PRKCZ: variants seen among roughly 807,000 people sequenced by gnomAD.
PRKCZ encodes protein kinase C zeta.
In PRKCZ, 33 loss-of-function variants were observed where a neutral mutation model predicts 79.5. That is an observed-to-expected ratio of 0.41 (90% CI 0.31 to 0.55). PRKCZ has a LOEUF of 0.55. Ranked by LOEUF, PRKCZ falls within the 20% of genes least tolerant of loss-of-function variation. The probability of loss-of-function intolerance (pLI) is 0.19; values close to 1 mark genes in which losing one functional copy is unlikely to be tolerated. For missense variants in PRKCZ, 578 were observed against 813.5 expected (o/e 0.71, Z 3.52); for synonymous variants, 342 against 320.9 (o/e 1.07, Z -0.70).
At chr1:2,059,404 G>C in intron 3 of PRKCZ, 137 bp from the exon 4 acceptor site, 2 of 993,530 alleles carry the variant, frequency 2.0e-6, no homozygotes, top group South Asian at 2.8e-5. Context: ...TCCCAGGAGC[G>C]GGCTCTCATT....
upstream of PRKCZ, among the ~76,000 whole-genome samples, chr1:2,048,975 G>A (rs990808453): frequency 1.2e-4 from 19 of 152,270 alleles, no homozygotes; most frequent in African/African-American, 4.6e-4. Flanking sequence ...AGACCAGCCT[G>A]GCCAATATGG....
At position 2,056,648 on chromosome 1, in the gene PRKCZ, G is replaced by A. The variant is rs2102220505; in HGVS notation, c.283+75G>A. The A allele has an allele frequency of 3.8e-6, 5 of 1,332,886 alleles. No individual in the cohort carries two copies. In the South Asian group the frequency reaches 6.8e-5, roughly 18 times the overall value. The allele number at this position is 1,332,886 out of a possible 1,614,324, so 82.6% of individuals were successfully genotyped here. A position where few individuals can be genotyped will look rare whatever the true frequency, so the allele number is the denominator to read the frequency against. ...GTGGGTGTCTGCCGACTAGCTGGGG[G>A]ATTTAAAATGGTTTAAAATCCTATG... On this transcript the variant is annotated intron_variant, in intron 3 of 17. Transcript: ENST00000378567.
At chr1:2,126,210 T>C (rs1673855127) in intron 4 of PRKCZ, among the ~76,000 whole-genome samples, 1 of 152,172 alleles carries the variant, frequency 6.6e-6, no homozygotes, top group African/African-American at 2.4e-5. Flanking sequence ...AATGGGAAAC[T>C]TTTCTTCAGT....
intron 4 of PRKCZ, among the ~76,000 whole-genome samples, chr1:2,073,286 G>A (rs1661782694): frequency 6.6e-6 from 1 of 152,198 alleles, no homozygotes; most frequent in African/African-American, 2.4e-5. Context: ...GGGGTTTGTG[G>A]GGTGGACACA....
intron 10 of PRKCZ, among the ~76,000 whole-genome samples, chr1:2,161,946 C>T (rs1682405365): frequency 6.6e-6 from 1 of 152,032 alleles, no homozygotes; most frequent in Non-Finnish European, 1.5e-5. Flanking sequence ...AAACAAGAGC[C>T]TCTTTATAAA....
At chr1:2,134,201 A>G (rs568026571) in intron 4 of PRKCZ, among the ~76,000 whole-genome samples, 249 of 152,182 alleles carry the variant, frequency 1.6e-3, no homozygotes, top group Non-Finnish European at 2.8e-3. Flanking sequence ...AGGACCCCTG[A>G]CTTCTTGGTT....
intron 10 of PRKCZ, among the ~76,000 whole-genome samples, chr1:2,166,039 C>T (rs921317200): frequency 3.3e-5 from 5 of 152,324 alleles, no homozygotes; most frequent in East Asian, 1.9e-4. Flanking sequence ...GTCTGCGTCT[C>T]GCCTGGTTCC....
intron 1 of PRKCZ, among the ~76,000 whole-genome samples, chr1:2,051,694 C>T (rs1659675246): frequency 6.6e-6 from 1 of 152,170 alleles, no homozygotes. Flanking sequence ...TGACAACTTC[C>T]CCGGGCCACG....
rs375012753 is a variant in PRKCZ, at chr1:2,185,003, G to A, written c.1773G>A (p.Ser591=). ...INPLLLSTEE[S]V ...CATTATTGCTGTCCACCGAGGAGTC[G>A]GTGTGAGGCCGCGTGCGTCTCTGTC... The change falls in exon 18 of 18, where the codon TCG becomes TCA. Residue 591 remains serine (S), a synonymous_variant. Transcript: ENST00000378567. 4.3e-6 allele frequency: 7 copies of A among 1,612,428 alleles called. No individual in the cohort carries two copies. Among genetic ancestry groups the A allele is most frequent in the South Asian group, 1.1e-5 (1 of 90,782 alleles).
At chr1:2,092,745 G>A (rs1242460174) in intron 4 of PRKCZ, among the ~76,000 whole-genome samples, 2 of 152,180 alleles carry the variant, frequency 1.3e-5, no homozygotes, top group Non-Finnish European at 2.9e-5. Flanking sequence ...TGGTGTATCC[G>A]AGGCAGCTGG....
At position 2,165,047 on chromosome 1, in the gene PRKCZ, A is replaced by G. The variant is rs1203752830; in HGVS notation, c.975-4471A>G. 6.6e-6 allele frequency among the ~76,000 whole-genome samples: 1 copy of G among 152,204 alleles called. No homozygotes were observed. The highest frequency in any genetic ancestry group is 2.4e-5 in the African/African-American group (1 of 41,450). ...TTGTCGCTGGGACACACTGCCCTCCAGTGCTCGAGTGCATTTCCTGGGCAC... is the reference window on the plus strand; with the variant it reads ...TTGTCGCTGGGACACACTGCCCTCCGGTGCTCGAGTGCATTTCCTGGGCAC... On this transcript the variant is annotated intron_variant, in intron 10 of 17. Transcript: ENST00000378567. This position sits in a 1 kb window ranked among gnomAD's most constrained non-coding sequence, Gnocchi z 4.1.
In PRKCZ at chr1:2,183,301, CAGG is replaced by C. The variant is rs535610185; in HGVS notation, c.1576-1279_1576-1277del. ...GTCCCGGCTACTCAGGAGACTGAGG[CAGG>C]AGAATAGCTTGAATCGGAGTCAGAG... On this transcript the variant is annotated intron_variant, in intron 16 of 17. Coordinates refer to ENST00000378567, the MANE Select transcript of PRKCZ (RefSeq NM_002744.6). Among the ~76,000 whole-genome samples the C allele has an allele frequency of 5.2e-3, 793 of 151,764 alleles. 11 individuals carry two copies. Among genetic ancestry groups the C allele is most frequent in the African/African-American group, 0.018 (752 of 41,338 alleles).
At chr1:2,116,529 C>T (rs972191583) in intron 4 of PRKCZ, among the ~76,000 whole-genome samples, 1 of 152,146 alleles carries the variant, frequency 6.6e-6, no homozygotes. Context: ...GCTCGCCTTC[C>T]ACTCCATGGA....
chr1:2,180,724 G>A (rs1442234902), intron 16 of PRKCZ, among the ~76,000 whole-genome samples: 2 of 152,158 alleles, frequency 1.3e-5, no homozygotes, highest in Non-Finnish European at 2.9e-5. Flanking sequence ...TCAGATGACC[G>A]CTGCTGTGCT....
chr1:2,097,521 C>T (rs1424508957), intron 4 of PRKCZ, among the ~76,000 whole-genome samples: 3 of 152,224 alleles, frequency 2.0e-5, no homozygotes, highest in Non-Finnish European at 4.4e-5. Context: ...CAGTGACTGG[C>T]GTAGGCTTTC....
rs16824712 is a variant in PRKCZ, at chr1:2,075,942, A to G, written c.334+16351A>G. Among the ~76,000 whole-genome samples the G allele has an allele frequency of 0.22, 33,800 of 152,226 alleles. 4,472 individuals are homozygous for G. The highest frequency in any genetic ancestry group is 0.61 in the East Asian group (3,143 of 5,166). Reference sequence around the variant, plus strand: ...GATCGCCGAGGACTCAGCCGGGCACATGGAGGTTGAACTGTTGGGGGGCGG... The same window carrying G: ...GATCGCCGAGGACTCAGCCGGGCACGTGGAGGTTGAACTGTTGGGGGGCGG... On this transcript the variant is annotated intron_variant, in intron 4 of 17. Transcript: ENST00000378567. The surrounding 1 kb of genome is among the most constrained non-coding windows in gnomAD (Gnocchi z 4.8).
chr1:2,153,090 C>T (rs897815191), intron 9 of PRKCZ, among the ~76,000 whole-genome samples: 2 of 152,250 alleles, frequency 1.3e-5, no homozygotes, highest in African/African-American at 4.8e-5. Flanking sequence ...CGCCGTTTCA[C>T]CTCCCCGCCA....
At chr1:2,089,639 C>A (rs1665140368) in intron 4 of PRKCZ, among the ~76,000 whole-genome samples, 1 of 152,154 alleles carries the variant, frequency 6.6e-6, no homozygotes, top group Non-Finnish European at 1.5e-5. Context: ...AAGGCCACAA[C>A]CTTACCACCT....
chr1:2,056,442 C>T (rs762042442), intron 2 of PRKCZ, 42 bp from the exon 3 acceptor site: 27 of 1,573,262 alleles, frequency 1.7e-5, no homozygotes, highest in South Asian at 1.7e-4. Flanking sequence ...CCCTTTGCCT[C>T]GGGCCTTCGG....
Sources: allele counts gnomAD v4.1 joint callset (sites outside exome capture counted in the v4.1 genomes callset), GRCh38; gene constraint gnomAD v4.1.1; non-coding constraint Gnocchi (gnomAD v3.1); transcripts MANE v1.5; gene names NCBI Gene and HGNC (gene_info 2026-07-23, HGNC 2026-07-21).